LDLRAD4: variants seen among roughly 807,000 people sequenced by gnomAD.
LDLRAD4 encodes low density lipoprotein receptor class A domain containing 4.
In LDLRAD4, 5 loss-of-function variants were observed where a neutral mutation model predicts 17.0. The ratio of observed to expected loss-of-function variants is 0.29; its 90% CI spans 0.15 to 0.62. LDLRAD4 has a LOEUF of 0.62. Among genes scored for constraint, LDLRAD4 ranks in the 20% least tolerant of loss-of-function variants. The pLI, the probability that LDLRAD4 is intolerant of heterozygous loss-of-function variation, is 0.84. For missense variants in LDLRAD4, 340 were observed against 424.7 expected, an observed-to-expected ratio of 0.80 and a Z score of 1.75; for synonymous variants, 168 against 171.8, an observed-to-expected ratio of 0.98 and a Z score of 0.17.
At chr18:13,223,101 G>A (rs990051650) in intron 1 of LDLRAD4, among the ~76,000 whole-genome samples, 1 of 152,134 alleles carries the variant, frequency 6.6e-6, no homozygotes, top group Non-Finnish European at 1.5e-5. Flanking sequence ...AGTTGTTTGC[G>A]GACACACAGC....
chr18:13,412,105 A>C (rs1600075996), intron 2 of LDLRAD4, among the ~76,000 whole-genome samples: 1 of 152,276 alleles, frequency 6.6e-6, no homozygotes. Flanking sequence ...CAGCCTCCCA[A>C]GTGTTGAGAT....
intron 2 of LDLRAD4, among the ~76,000 whole-genome samples, chr18:13,407,017 G>A (rs903900863): frequency 3.3e-5 from 5 of 152,206 alleles, no homozygotes; most frequent in East Asian, 3.8e-4. Flanking sequence ...TCATATGTGC[G>A]ATAAACTTAG....
At chr18:13,219,143 C>T (rs1598714713) in intron 1 of LDLRAD4, among the ~76,000 whole-genome samples, 155 bp downstream of exon 1, 1 of 149,734 alleles carries the variant, frequency 6.7e-6, no homozygotes, top group South Asian at 2.1e-4. Context: ...ACGACAGGGA[C>T]GCATGGTGGG....
chr18:13,555,826 G>C (rs894198712), intron 3 of LDLRAD4, among the ~76,000 whole-genome samples: 1 of 152,174 alleles, frequency 6.6e-6, no homozygotes, highest in Non-Finnish European at 1.5e-5. Context: ...GGACTTCTTG[G>C]ATTATTACTT....
chr18:13,365,894 C>T (rs1246998612), intron 1 of LDLRAD4, among the ~76,000 whole-genome samples: 1 of 152,078 alleles, frequency 6.6e-6, no homozygotes, highest in Non-Finnish European at 1.5e-5. Context: ...CTGCCTCAGC[C>T]TCCTGAGTAG....
At chr18:13,324,311 G>GT (rs2081403668) in intron 1 of LDLRAD4, among the ~76,000 whole-genome samples, 2 of 125,184 alleles carry the variant, frequency 1.6e-5, no homozygotes, top group Non-Finnish European at 1.6e-5. Context: ...CTAATTTTTC[G>GT]TATTTTTTTT....
In LDLRAD4 at chr18:13,422,416, G is replaced by T. The variant is rs372091365; in HGVS notation, c.41-15828G>T. ...TATATGCTTGTTAAAAACCAGTAAG[G>T]CCAGGTGCAGTTGCTCATGCCTATA... On this transcript the variant is annotated intron_variant, in intron 2 of 5. Transcript: ENST00000359446. Among the ~76,000 whole-genome samples the T allele has an allele frequency of 3.2e-4, 49 of 152,248 alleles. 2 individuals carry two copies. Among genetic ancestry groups the T allele is most frequent in the Admixed American group, 1.6e-3 (24 of 15,300 alleles).
chr18:13,458,135 C>T (rs530646701), intron 3 of LDLRAD4, among the ~76,000 whole-genome samples: 4 of 152,168 alleles, frequency 2.6e-5, no homozygotes, highest in East Asian at 1.9e-4. Context: ...CTGCAGAACG[C>T]GCAGGGCCTG....
Position 13,284,548 on chromosome 18 carries a change from T to A in LDLRAD4, c.-383+6360T>A, listed in dbSNP as rs557299310. Reference sequence around the variant, plus strand: ...CAGGGTGGGGGATGTGGGGAAAAGATGTAAAAATAAACCCTCAGATTCTGG... The same window carrying A: ...CAGGGTGGGGGATGTGGGGAAAAGAAGTAAAAATAAACCCTCAGATTCTGG... On this transcript the variant is annotated intron_variant, in intron 1 of 5. Coordinates refer to ENST00000359446, the Ensembl canonical transcript of LDLRAD4. 2.2e-4 allele frequency among the ~76,000 whole-genome samples: 33 copies of A among 152,280 alleles called. 1 individual carries two copies. The highest frequency in any genetic ancestry group is 2.0e-3 in the Admixed American group (31 of 15,300).
chr18:13,228,434 G>C (rs914209835), intron 1 of LDLRAD4, among the ~76,000 whole-genome samples: 3 of 152,202 alleles, frequency 2.0e-5, no homozygotes, highest in African/African-American at 7.2e-5. Flanking sequence ...GAGGTGTGCA[G>C]AGCTGACCGA....
intron 3 of LDLRAD4, among the ~76,000 whole-genome samples, chr18:13,456,077 T>G (rs560290981): frequency 1.9e-4 from 29 of 152,308 alleles, no homozygotes; most frequent in African/African-American, 6.3e-4. Context: ...GTGTCACTGC[T>G]GTGGCAGGAA....
chr18:13,299,709 G>A (rs989740609), intron 1 of LDLRAD4, among the ~76,000 whole-genome samples: 1 of 152,130 alleles, frequency 6.6e-6, no homozygotes, highest in Admixed American at 6.5e-5. Context: ...AGGTATAGTG[G>A]TGCACAGCTG....
intron 3 of LDLRAD4, among the ~76,000 whole-genome samples, chr18:13,456,002 G>A (rs544428505): frequency 4.6e-5 from 7 of 152,208 alleles, no homozygotes; most frequent in African/African-American, 1.7e-4. Context: ...GCCATGTCCC[G>A]CGCTGTCTGC....
intron 3 of LDLRAD4, among the ~76,000 whole-genome samples, chr18:13,511,910 T>G (rs1414576193): frequency 6.6e-6 from 1 of 152,210 alleles, no homozygotes; most frequent in African/African-American, 2.4e-5. Flanking sequence ...AGAAATGTAT[T>G]TTTAGCGTCA....
chr18:13,479,229 A>G (rs1344274456), intron 3 of LDLRAD4, among the ~76,000 whole-genome samples: 1 of 152,240 alleles, frequency 6.6e-6, no homozygotes, highest in African/African-American at 2.4e-5. Context: ...GTGATGTTTT[A>G]GATATAATAC....
chr18:13,463,770 C>T (rs2092522756), intron 3 of LDLRAD4, among the ~76,000 whole-genome samples: 1 of 152,140 alleles, frequency 6.6e-6, no homozygotes, highest in Non-Finnish European at 1.5e-5. Flanking sequence ...GCCACCCCCG[C>T]CTTTAGGGAG....
chr18:13,426,512 G>A (rs1278410071), intron 2 of LDLRAD4, among the ~76,000 whole-genome samples: 1 of 143,924 alleles, frequency 6.9e-6, no homozygotes, highest in Non-Finnish European at 1.6e-5. Flanking sequence ...GCTGGTTCTA[G>A]GTCAGCCTGG....
At chr18:13,233,734 C>T (rs2042195294) in intron 1 of LDLRAD4, among the ~76,000 whole-genome samples, 1 of 152,110 alleles carries the variant, frequency 6.6e-6, no homozygotes, top group African/African-American at 2.4e-5. Flanking sequence ...TTTGTCGCAA[C>T]TGTTGAGACT....
chr18:13,636,161 A>G (rs970100777), intron 4 of LDLRAD4, among the ~76,000 whole-genome samples: 6 of 152,158 alleles, frequency 3.9e-5, no homozygotes, highest in Non-Finnish European at 8.8e-5. Context: ...GACAAACAGC[A>G]AGGCCCAGCT....
Sources: gnomAD v4.1 joint callset for allele counts (sites outside exome capture counted in the v4.1 genomes callset) on GRCh38, gnomAD v4.1.1 for gene constraint, MANE v1.5 for transcripts, NCBI Gene and HGNC (gene_info 2026-07-23, HGNC 2026-07-21) for gene names.